KBTBD11: variants seen among roughly 807,000 people sequenced by gnomAD.
KBTBD11 encodes the protein kelch repeat and BTB domain containing 11, also known as kelch repeat and BTB domain-containing protein 11.
For synonymous variants in KBTBD11, 747 were observed against 499.0 expected, an observed-to-expected ratio of 1.50 and a Z score of -6.63; for missense variants, 1,390 against 1,001.8, an observed-to-expected ratio of 1.39 and a Z score of -5.23.
intron 1 of KBTBD11, among the ~76,000 whole-genome samples, chr8:1,992,639 T>G (rs922294086): frequency 2.0e-5 from 3 of 152,074 alleles, no homozygotes; most frequent in African/African-American, 7.3e-5. Context: ...CCCATCCTTA[T>G]TTTCATACTG....
At chr8:1,997,869 G>A (rs1026087925) in intron 1 of KBTBD11, among the ~76,000 whole-genome samples, 1 of 152,238 alleles carries the variant, frequency 6.6e-6, no homozygotes, top group Non-Finnish European at 1.5e-5. Context: ...GGGGGACGGC[G>A]GCAACGACAG....
intron 1 of KBTBD11, among the ~76,000 whole-genome samples, chr8:1,977,811 C>T (rs1163811986): frequency 6.6e-6 from 1 of 152,188 alleles, no homozygotes; most frequent in Non-Finnish European, 1.5e-5. Flanking sequence ...GCTGGGATTA[C>T]AGGCATGAAC....
Position 2,003,657 on chromosome 8 carries a change from C to T in KBTBD11, c.*593C>T, listed in dbSNP as rs1450547469. On this transcript the variant is annotated 3_prime_UTR_variant, in exon 2 of 2. Coordinates refer to ENST00000320248, the MANE Select transcript of KBTBD11 (RefSeq NM_014867.3). ...AAATCTTTGATTACCAGTAAGGTTT[C>T]TTGTTCAATATGCATTGGAAGTATT... The T allele has an allele frequency of 6.0e-6, 1 of 167,014 alleles. No homozygotes were observed. 10.3% of individuals were successfully genotyped at this position (167,014 alleles called of 1,614,324 possible).
Position 2,001,579 on chromosome 8 carries a change from A to AC in KBTBD11, c.392dup (p.Phe133ValfsTer319). On this transcript the variant is annotated frameshift_variant, in exon 2 of 2. Coordinates refer to ENST00000320248, the MANE Select transcript of KBTBD11 (RefSeq NM_014867.3). LOFTEE classifies it low-confidence loss of function (END_TRUNC). ...AGGAGCCCGGGGAGCCCGCGCCCGT[A>AC]CCCCCGGGGTTCGGGGCGGTGTACG... is the stretch of plus-strand genomic sequence containing the variant. The AC allele has an allele frequency of 2.1e-6, 3 of 1,447,182 alleles. No individual in the cohort carries two copies. The highest frequency in any genetic ancestry group is 3.0e-5 in the East Asian group (1 of 32,844). 89.6% of individuals were successfully genotyped at this position (1,447,182 alleles called of 1,614,324 possible). A position where few individuals can be genotyped will look rare whatever the true frequency, so the allele number is the denominator to read the frequency against.
Position 2,002,999 on chromosome 8 carries a change from G to A in KBTBD11, c.1807G>A (p.Val603Met). ...ALGAPLDVRG[V>M]LIPFALSLPE... ...GGGCGCCCCCTTGGACGTCCGGGGT[G>A]TGCTCATCCCGTTCGCTCTCAGCCT... The change falls in exon 2 of 2, where the codon GTG becomes ATG. Residue 603 changes from valine (V) to methionine (M), a missense_variant. By Grantham distance (21) the Val-to-Met change is conservative. Transcript: ENST00000320248. This position sits in a 1 kb window ranked among gnomAD's most constrained non-coding sequence, Gnocchi z 4.1. The A allele has an allele frequency of 1.5e-6, 2 of 1,303,582 alleles. No homozygotes were observed. The highest frequency in any genetic ancestry group is 9.7e-7 in the Non-Finnish European group (1 of 1,026,654). The allele number at this position is 1,303,582 out of a possible 1,614,324, so 80.8% of individuals were successfully genotyped here.
chr8:1,974,365 G>C, intron 1 of KBTBD11: 2 of 984,718 alleles, frequency 2.0e-6, no homozygotes, highest in South Asian at 4.7e-5. Context: ...CGCCCCAGCC[G>C]GCACGGAAGC....
At chr8:1,984,550 G>A (rs565856220) in intron 1 of KBTBD11, among the ~76,000 whole-genome samples, 1 of 152,158 alleles carries the variant, frequency 6.6e-6, no homozygotes, top group Non-Finnish European at 1.5e-5. Flanking sequence ...GCCTCCCAAT[G>A]TGTTGGGATT....
chr8:1,986,033 C>T (rs909555368), intron 1 of KBTBD11, among the ~76,000 whole-genome samples: 2 of 152,184 alleles, frequency 1.3e-5, no homozygotes, highest in Admixed American at 1.3e-4. Context: ...TTTGACAGAC[C>T]ACAAGTCTTG....
At chr8:1,997,748 G>A (rs866691255) in intron 1 of KBTBD11, among the ~76,000 whole-genome samples, 1 of 152,232 alleles carries the variant, frequency 6.6e-6, no homozygotes, top group Non-Finnish European at 1.5e-5. Context: ...TCAATGCAGT[G>A]GTGTCTGAGA....
chr8:1,992,799 C>T (rs534890992), intron 1 of KBTBD11, among the ~76,000 whole-genome samples: 1 of 152,018 alleles, frequency 6.6e-6, no homozygotes, highest in East Asian at 1.9e-4. Context: ...TGTAATCCAA[C>T]ATCCAGATAT....
At position 2,003,397 on chromosome 8, in the gene KBTBD11, T is replaced by G; in HGVS notation, c.*333T>G. On this transcript the variant is annotated 3_prime_UTR_variant, in exon 2 of 2. Coordinates refer to ENST00000320248, the MANE Select transcript of KBTBD11 (RefSeq NM_014867.3). ...GCAGCCTGCAGCCGGCCCCGGGGTGTCCCGAACCCCGCAGAGCACCGAGGC... is the reference window on the plus strand; with the variant it reads ...GCAGCCTGCAGCCGGCCCCGGGGTGGCCCGAACCCCGCAGAGCACCGAGGC... 4.2e-6 allele frequency: 1 copy of G among 240,058 alleles called. No individual in the cohort carries two copies. Among genetic ancestry groups the G allele is most frequent in the Non-Finnish European group, 8.5e-6 (1 of 117,146 alleles). 14.9% of individuals were successfully genotyped at this position (240,058 alleles called of 1,614,324 possible).
At chr8:1,998,036 C>G (rs1450624647) in intron 1 of KBTBD11, among the ~76,000 whole-genome samples, 1 of 152,218 alleles carries the variant, frequency 6.6e-6, no homozygotes, top group Non-Finnish European at 1.5e-5. Context: ...GAATAAGAAC[C>G]AGTTCTAACC....
chr8:1,994,516 T>C (rs1240452834), intron 1 of KBTBD11, among the ~76,000 whole-genome samples: 1 of 152,226 alleles, frequency 6.6e-6, no homozygotes, highest in East Asian at 1.9e-4. Context: ...GTTGCTTGGC[T>C]CATTTCTGGC....
At position 2,003,405 on chromosome 8, in the gene KBTBD11, C is replaced by T. The variant is rs1585767079; in HGVS notation, c.*341C>T. 1 of 232,764 alleles carries T rather than the reference C, an allele frequency of 4.3e-6. No homozygotes were observed. The highest frequency in any genetic ancestry group is 1.8e-4 in the South Asian group (1 of 5,430). 14.4% of individuals were successfully genotyped at this position (232,764 alleles called of 1,614,324 possible). On this transcript the variant is annotated 3_prime_UTR_variant, in exon 2 of 2. Coordinates refer to ENST00000320248, the MANE Select transcript of KBTBD11 (RefSeq NM_014867.3). ...CAGCCGGCCCCGGGGTGTCCCGAAC[C>T]CCGCAGAGCACCGAGGCTGTGCGCA...
Position 2,002,397 on chromosome 8 carries a change from G to C in KBTBD11, c.1205G>C (p.Arg402Pro). Residue 402 changes from arginine (R) to proline (P), a missense_variant, in exon 2 of 2, where the codon CGC becomes CCC. Coordinates refer to ENST00000320248, the MANE Select transcript of KBTBD11 (RefSeq NM_014867.3). The surrounding 1 kb of genome is among the most constrained non-coding windows in gnomAD (Gnocchi z 4.1). ...WSAVRPLRQARSQLRLLALDG... is the reference protein window; with the variant it reads ...WSAVRPLRQAPSQLRLLALDG... ...GCCGTGAGGCCCCTGCGCCAGGCGC[G>C]CTCGCAGCTGCGGCTGCTGGCCCTG... 6.8e-7 allele frequency: 1 copy of C among 1,479,728 alleles called. No homozygotes were observed. The highest frequency in any genetic ancestry group is 8.9e-7 in the Non-Finnish European group (1 of 1,121,384). The allele number at this position is 1,479,728 out of a possible 1,614,324, so 91.7% of individuals were successfully genotyped here. A position where few individuals can be genotyped will look rare whatever the true frequency, so the allele number is the denominator to read the frequency against.
intron 1 of KBTBD11, chr8:1,974,782 A>G (rs920866119): frequency 4.6e-5 from 37 of 797,130 alleles, no homozygotes; most frequent in Non-Finnish European, 5.3e-5. Context: ...CCACCTCTTT[A>G]GAGTCCTACA....
At chr8:1,993,955 A>ACACG (rs1175230601) in intron 1 of KBTBD11, among the ~76,000 whole-genome samples, 1 of 151,696 alleles carries the variant, frequency 6.6e-6, no homozygotes, top group Non-Finnish European at 1.5e-5. Flanking sequence ...ACACACACAC[A>ACACG]CACAAAACCC....
intron 1 of KBTBD11, among the ~76,000 whole-genome samples, chr8:1,994,044 C>CAT (rs1484118492): frequency 6.6e-6 from 1 of 151,832 alleles, no homozygotes; most frequent in Non-Finnish European, 1.5e-5. Context: ...GGCATGAGGG[C>CAT]GGGTGAGTTG....
rs1817419380 is a variant in KBTBD11, at chr8:2,002,469, A to G, written c.1277A>G (p.Glu426Gly). 6.6e-7 allele frequency: 1 copy of G among 1,511,174 alleles called. No individual in the cohort carries two copies. Among genetic ancestry groups the G allele is most frequent in the Non-Finnish European group, 8.8e-7 (1 of 1,137,664 alleles). The allele number at this position is 1,511,174 out of a possible 1,614,324, so 93.6% of individuals were successfully genotyped here. A position where few individuals can be genotyped will look rare whatever the true frequency, so the allele number is the denominator to read the frequency against. The change falls in exon 2 of 2, where the codon GAG becomes GGG. Residue 426 changes from glutamate (E) to glycine (G), a missense_variant. Glu to Gly is a moderately conservative substitution (Grantham distance 98). Transcript: ENST00000320248. This position sits in a 1 kb window ranked among gnomAD's most constrained non-coding sequence, Gnocchi z 4.1. ...GGCGGCGAGTGCCTGCTCAGCGTGG[A>G]GCGCTACGACCCGCGCGCCGACCGC... ...AVGGECLLSVERYDPRADRWA... is the reference protein window; with the variant it reads ...AVGGECLLSVGRYDPRADRWA...
Sources: allele counts gnomAD v4.1 joint callset (sites outside exome capture counted in the v4.1 genomes callset), GRCh38; gene constraint gnomAD v4.1.1; non-coding constraint Gnocchi (gnomAD v3.1); transcripts MANE v1.5; gene names NCBI Gene and HGNC (gene_info 2026-07-23, HGNC 2026-07-21).